KDM4E: variants seen among roughly 807,000 people sequenced by gnomAD.
The protein encoded by KDM4E is lysine demethylase 4E.
For missense variants in KDM4E, 576 were observed against 642.6 expected (o/e 0.90, Z 1.12); for synonymous variants, 229 against 232.9 (o/e 0.98, Z 0.15).
Position 95,026,543 on chromosome 11 carries a change from G to C in KDM4E, c.986G>C (p.Ser329Thr). 6.5e-7 allele frequency: 1 copy of C among 1,548,792 alleles called. No individual in the cohort carries two copies. Among genetic ancestry groups the C allele is most frequent in the Non-Finnish European group, 8.7e-7 (1 of 1,152,672 alleles). The change falls in exon 1 of 1, where the codon AGT (serine) becomes ACT (threonine). Residue 329 changes from serine (S) to threonine (T), a missense_variant. By Grantham distance (58) the Ser-to-Thr change is moderately conservative. Coordinates refer to ENST00000450979, the MANE Select transcript of KDM4E (RefSeq NM_001161630.1). ...DPFVRIVQPE[S>T]YELWKHRQDL... is the part of the protein sequence containing the mutation. ...TTTGTGCGCATTGTGCAACCCGAGA[G>C]TTATGAGCTCTGGAAACACAGGCAA...
chr11:95,025,381 G>T lies in KDM4E; in HGVS notation c.-177G>T. 1.2e-6 allele frequency: 1 copy of T among 864,404 alleles called. No homozygotes were observed. Among genetic ancestry groups the T allele is most frequent in the Non-Finnish European group, 1.7e-6 (1 of 590,586 alleles). 53.5% of individuals were successfully genotyped at this position (864,404 alleles called of 1,614,324 possible). On this transcript the variant is annotated 5_prime_UTR_variant, in exon 1 of 1. Transcript: ENST00000450979. ...GACTAGAGTGGAGTCCCCCTGGGGAGTCAGAAAGCCTGTGAAAGATCTCAC... is the reference window on the plus strand; with the variant it reads ...GACTAGAGTGGAGTCCCCCTGGGGATTCAGAAAGCCTGTGAAAGATCTCAC...
rs1208941687 is a variant in KDM4E, at chr11:95,027,574, G to A, written c.*496G>A. ...GATCAGAGAAGATTCTTTACCTGCA[G>A]TAACTGACACATTTCCAAGGCCCCC... On this transcript the variant is annotated 3_prime_UTR_variant, in exon 1 of 1. Transcript: ENST00000450979. 1.2e-5 allele frequency: 2 copies of A among 160,044 alleles called. No homozygotes were observed. Among genetic ancestry groups the A allele is most frequent in the South Asian group, 1.7e-4 (1 of 5,890 alleles). The allele number at this position is 160,044 out of a possible 1,614,324, so 9.9% of individuals were successfully genotyped here.
Position 95,025,487 on chromosome 11 carries a change from A to T in KDM4E, c.-71A>T. 6.9e-7 allele frequency: 1 copy of T among 1,444,788 alleles called. No homozygotes were observed. Among genetic ancestry groups the T allele is most frequent in the Non-Finnish European group, 9.1e-7 (1 of 1,102,874 alleles). 89.5% of individuals were successfully genotyped at this position (1,444,788 alleles called of 1,614,324 possible). ...AAAAACAAAGGGGAGAAAAGAAATT[A>T]CTCCCCAGAACTCTCAGGCATCTAG... On this transcript the variant is annotated 5_prime_UTR_variant, in exon 1 of 1. Coordinates refer to ENST00000450979, the MANE Select transcript of KDM4E (RefSeq NM_001161630.1).
Position 95,026,700 on chromosome 11 carries a change from T to C in KDM4E, c.1143T>C (p.Cys381=). ...LRLLPNLTAQ[C]PTQPVSSGHC... ...TTCTCCCAAACCTCACAGCCCAGTG[T>C]CCCACACAGCCTGTGTCCTCAGGGC... is the stretch of plus-strand genomic sequence containing the variant. Residue 381 remains cysteine (C), a synonymous_variant, in exon 1 of 1, where the codon TGT becomes TGC. Coordinates refer to ENST00000450979, the MANE Select transcript of KDM4E (RefSeq NM_001161630.1). The C allele has an allele frequency of 2.6e-6, 4 of 1,537,224 alleles. No homozygotes were observed. The highest frequency in any genetic ancestry group is 3.5e-6 in the Non-Finnish European group (4 of 1,146,900).
chr11:95,026,384 A>T lies in KDM4E; in HGVS notation c.827A>T (p.Tyr276Phe). The change falls in exon 1 of 1, where the codon TAC becomes TTC. Residue 276 changes from tyrosine to phenylalanine, a missense_variant. Transcript: ENST00000450979. ...TTCATGGTGACCTTTCCCTATGGCTACCATGCTGGCTTCAATCACGGCTTC... is the reference window on the plus strand; with the variant it reads ...TTCATGGTGACCTTTCCCTATGGCTTCCATGCTGGCTTCAATCACGGCTTC... ...GEFMVTFPYG[Y>F]HAGFNHGFNC... 2 of 1,613,926 alleles carry T rather than the reference A, an allele frequency of 1.2e-6. No individual in the cohort carries two copies. The highest frequency in any genetic ancestry group is 1.7e-6 in the Non-Finnish European group (2 of 1,180,018).
chr11:95,026,824 A>T lies in KDM4E; in HGVS notation c.1267A>T (p.Met423Leu). ...HTQTQSLTLG[M>L]SARVLLPSTG... The stretch of plus-strand genomic sequence containing the variant: ...CCAGACCCAGTCACTTACCCTGGGG[A>T]TGTCAGCCAGGGTTCTTCTCCCTTC... Residue 423 changes from methionine to leucine, a missense_variant, in exon 1 of 1, where the codon ATG (methionine) becomes TTG (leucine). Met to Leu is a conservative substitution (Grantham distance 15). Transcript: ENST00000450979. The T allele has an allele frequency of 1.3e-6, 2 of 1,537,078 alleles. No homozygotes were observed. Among genetic ancestry groups the T allele is most frequent in the Admixed American group, 2.0e-5 (1 of 51,004 alleles).
Position 95,027,065 on chromosome 11 carries a change from A to T in KDM4E, c.1508A>T (p.Asn503Ile). ...CCGCTTGCCAATGATTTGATGACAAATCTGTCCCTTTGAGTGGTGGCCTTC... is the reference window on the plus strand; with the variant it reads ...CCGCTTGCCAATGATTTGATGACAATTCTGTCCCTTTGAGTGGTGGCCTTC... ...QLPLANDLMT[N>I]LSL The change falls in exon 1 of 1, where the codon AAT (asparagine) becomes ATT (isoleucine). Residue 503 changes from asparagine to isoleucine, a missense_variant. Physicochemically the swap from Asn to Ile is moderately radical, Grantham distance 149. Coordinates refer to ENST00000450979, the MANE Select transcript of KDM4E (RefSeq NM_001161630.1). 1 of 1,536,836 alleles carries T rather than the reference A, an allele frequency of 6.5e-7. No individual in the cohort carries two copies. Among genetic ancestry groups the T allele is most frequent in the South Asian group, 1.2e-5 (1 of 84,036 alleles).
Position 95,026,062 on chromosome 11 carries a change from A to T in KDM4E, c.505A>T (p.Ile169Phe). 1.9e-6 allele frequency: 3 copies of T among 1,613,840 alleles called. No homozygotes were observed. Among genetic ancestry groups the T allele is most frequent in the Non-Finnish European group, 2.5e-6 (3 of 1,179,854 alleles). The change falls in exon 1 of 1, where the codon ATC becomes TTC. Residue 169 changes from isoleucine (I) to phenylalanine (F), a missense_variant. Ile to Phe is a conservative substitution (Grantham distance 21, BLOSUM62 0). Transcript: ENST00000450979. ...GTTGGAGCAGGAATGTGGGGTTGTC[A>T]TCGAGGGTGTCAACACACCCTACCT... The part of the protein sequence containing the change: ...DLLEQECGVV[I>F]EGVNTPYLYF...
Position 95,027,095 on chromosome 11 carries a change from T to C in KDM4E, c.*17T>C. The stretch of plus-strand genomic sequence containing the variant: ...TCCCTTTGAGTGGTGGCCTTCAGCA[T>C]CTTGCCAAGGCTTCTGGCTGCTGCT... On this transcript the variant is annotated 3_prime_UTR_variant, in exon 1 of 1. Coordinates refer to ENST00000450979, the MANE Select transcript of KDM4E (RefSeq NM_001161630.1). 6.5e-7 allele frequency: 1 copy of C among 1,534,404 alleles called. No homozygotes were observed. The highest frequency in any genetic ancestry group is 8.7e-7 in the Non-Finnish European group (1 of 1,145,068).
Position 95,026,047 on chromosome 11 carries a change from G to C in KDM4E, c.490G>C (p.Glu164Gln). ...AACAATTCTGGACCTGTTGGAGCAG[G>C]AATGTGGGGTTGTCATCGAGGGTGT... Reference protein sequence around the residue: ...LGTILDLLEQECGVVIEGVNT... With the variant: ...LGTILDLLEQQCGVVIEGVNT... Residue 164 changes from glutamate to glutamine, a missense_variant, in exon 1 of 1, where the codon GAA becomes CAA. Transcript: ENST00000450979. The C allele has an allele frequency of 6.2e-7, 1 of 1,612,770 alleles. No homozygotes were observed. Among genetic ancestry groups the C allele is most frequent in the African/African-American group, 1.3e-5 (1 of 74,984 alleles).
In KDM4E at chr11:95,026,290, C is replaced by T. The variant is rs782632092; in HGVS notation, c.733C>T (p.Leu245Phe). 1.1e-5 allele frequency: 17 copies of T among 1,613,894 alleles called. No homozygotes were observed. The highest frequency in any genetic ancestry group is 2.5e-6 in the Non-Finnish European group (3 of 1,180,024). ...GGCCTTCCTGCGGCACAAAGTGGCC[C>T]TCATCTCGCCTACAGTTCTCAAGGA... ...CEAFLRHKVA[L>F]ISPTVLKENG... Residue 245 changes from leucine (L) to phenylalanine (F), a missense_variant, in exon 1 of 1, where the codon CTC (leucine) becomes TTC (phenylalanine). Transcript: ENST00000450979.
At position 95,026,054 on chromosome 11, in the gene KDM4E, G is replaced by A; in HGVS notation, c.497G>A (p.Gly166Glu). The A allele has an allele frequency of 6.2e-7, 1 of 1,613,204 alleles. No homozygotes were observed. The highest frequency in any genetic ancestry group is 8.5e-7 in the Non-Finnish European group (1 of 1,179,472). Residue 166 changes from glycine (G) to glutamate (E), a missense_variant, in exon 1 of 1, where the codon GGG becomes GAG. Gly to Glu is a moderately conservative substitution (Grantham distance 98). Coordinates refer to ENST00000450979, the MANE Select transcript of KDM4E (RefSeq NM_001161630.1). The stretch of plus-strand genomic sequence containing the variant: ...CTGGACCTGTTGGAGCAGGAATGTG[G>A]GGTTGTCATCGAGGGTGTCAACACA... ...TILDLLEQEC[G>E]VVIEGVNTPY...
rs577916346 is a variant in KDM4E, at chr11:95,026,875, G to A, written c.1318G>A (p.Gly440Ser). 1.3e-6 allele frequency: 2 copies of A among 1,537,190 alleles called. No individual in the cohort carries two copies. Among genetic ancestry groups the A allele is most frequent in the African/African-American group, 2.7e-5 (2 of 73,142 alleles). Reference protein sequence around the residue: ...PSTGSWGSGRGRGRGQGQGRG... With the variant: ...PSTGSWGSGRSRGRGQGQGRG... ...CACTGGAAGCTGGGGTTCTGGTCGT[G>A]GTCGTGGTCGTGGTCAAGGTCAAGG... Residue 440 changes from glycine (G) to serine (S), a missense_variant, in exon 1 of 1, where the codon GGT becomes AGT. By Grantham distance (56) the Gly-to-Ser change is moderately conservative. Transcript: ENST00000450979.
rs190700732 is a variant in KDM4E at position 95,025,855 on chromosome 11, C to A, written c.298C>A (p.Arg100Ser). ...AGCCATGAGGGTGGGGCAGTATCGCCGCTTGGCAAACAGTAAAAAATATCA... is the reference window on the plus strand; with the variant it reads ...AGCCATGAGGGTGGGGCAGTATCGCAGCTTGGCAAACAGTAAAAAATATCA... Reference protein sequence around the residue: ...KKAMRVGQYRRLANSKKYQTP... With the variant: ...KKAMRVGQYRSLANSKKYQTP... The change falls in exon 1 of 1, where the codon CGC (arginine) becomes AGC (serine). Residue 100 changes from arginine (R) to serine (S), a missense_variant. Coordinates refer to ENST00000450979, the MANE Select transcript of KDM4E (RefSeq NM_001161630.1). The A allele has an allele frequency of 1.9e-6, 3 of 1,595,864 alleles. No individual in the cohort carries two copies. Among genetic ancestry groups the A allele is most frequent in the East Asian group, 2.3e-5 (1 of 44,172 alleles).
rs1018509086 is a variant in KDM4E, at chr11:95,026,840, T to C, written c.1283T>C (p.Leu428Pro). The C allele has an allele frequency of 5.0e-5, 77 of 1,537,150 alleles. No individual in the cohort carries two copies. The highest frequency in any genetic ancestry group is 6.6e-5 in the Non-Finnish European group (76 of 1,146,914). The change falls in exon 1 of 1, where the codon CTT (leucine) becomes CCT (proline). Residue 428 changes from leucine (L) to proline (P), a missense_variant. Leu to Pro is a moderately conservative substitution (Grantham distance 98). Transcript: ENST00000450979. The part of the protein sequence containing the change: ...SLTLGMSARV[L>P]LPSTGSWGSG... ...ACCCTGGGGATGTCAGCCAGGGTTCTTCTCCCTTCCACTGGAAGCTGGGGT... is the reference window on the plus strand; with the variant it reads ...ACCCTGGGGATGTCAGCCAGGGTTCCTCTCCCTTCCACTGGAAGCTGGGGT...
At position 95,026,199 on chromosome 11, in the gene KDM4E, A is replaced by T. The variant is rs1565427218; in HGVS notation, c.642A>T (p.Pro214=). The T allele has an allele frequency of 7.4e-6, 12 of 1,614,168 alleles. No individual in the cohort carries two copies. Among genetic ancestry groups the T allele is most frequent in the Non-Finnish European group, 1.0e-5 (12 of 1,180,026 alleles). Residue 214 remains proline, a synonymous_variant, in exon 1 of 1, where the codon CCA becomes CCT. Transcript: ENST00000450979. Reference sequence around the variant, plus strand: ...CCAAAACTTGGTACGTGGTGCCCCCAGAACATGGTCAGCACCTGGAACGCC... The same window carrying T: ...CCAAAACTTGGTACGTGGTGCCCCCTGAACATGGTCAGCACCTGGAACGCC... ...GEPKTWYVVP[P]EHGQHLERLA...
chr11:95,027,199 T>TCAA lies in KDM4E; in HGVS notation c.*124_*126dup, dbSNP rs1483177956. 4 of 1,275,958 alleles carry TCAA rather than the reference T, an allele frequency of 3.1e-6. No individual in the cohort carries two copies. The highest frequency in any genetic ancestry group is 4.2e-6 in the Non-Finnish European group (4 of 950,778). The allele number at this position is 1,275,958 out of a possible 1,614,324, so 79.0% of individuals were successfully genotyped here. On this transcript the variant is annotated 3_prime_UTR_variant, in exon 1 of 1. Transcript: ENST00000450979. ...CACCCTGGCCTGTGCCTGCTATCCC[T>TCAA]CAACAGCACTACTAGTAATCTCCCT...
At position 95,026,654 on chromosome 11, in the gene KDM4E, G is replaced by A. The variant is rs1304078739; in HGVS notation, c.1097G>A (p.Arg366Lys). 1.3e-6 allele frequency: 2 copies of A among 1,537,140 alleles called. No homozygotes were observed. The highest frequency in any genetic ancestry group is 1.7e-6 in the Non-Finnish European group (2 of 1,146,926). ...SNWRDDIVLR[R>K]AALGLRLLPN... ...TGGAGAGATGATATAGTACTTAGAA[G>A]AGCTGCTCTGGGCCTGAGGCTTCTC... is the stretch of plus-strand genomic sequence containing the variant. The change falls in exon 1 of 1, where the codon AGA becomes AAA. Residue 366 changes from arginine to lysine, a missense_variant. Coordinates refer to ENST00000450979, the MANE Select transcript of KDM4E (RefSeq NM_001161630.1).
rs1555102984 is a variant in KDM4E, at chr11:95,026,665, G to A, written c.1108G>A (p.Gly370Ser). The A allele has an allele frequency of 2.0e-6, 3 of 1,537,098 alleles. No individual in the cohort carries two copies. The highest frequency in any genetic ancestry group is 3.9e-5 in the Admixed American group (2 of 50,982). ...DDIVLRRAAL[G>S]LRLLPNLTAQ... ...TATAGTACTTAGAAGAGCTGCTCTG[G>A]GCCTGAGGCTTCTCCCAAACCTCAC... Residue 370 changes from glycine (G) to serine (S), a missense_variant, in exon 1 of 1, where the codon GGC (glycine) becomes AGC (serine). Coordinates refer to ENST00000450979, the MANE Select transcript of KDM4E (RefSeq NM_001161630.1).
Sources: allele counts gnomAD v4.1 joint callset, GRCh38; gene constraint gnomAD v4.1.1; transcripts MANE v1.5; gene names NCBI Gene and HGNC (gene_info 2026-07-23, HGNC 2026-07-21).